Variants in ARHGAP32 observed in about 807,000 individuals in gnomAD.
ARHGAP32 encodes the protein Rho GTPase activating protein 32.
Under a neutral mutation model 186.5 loss-of-function variants are expected in ARHGAP32, and 51 were observed. That is an observed-to-expected ratio of 0.27 (90% CI 0.22 to 0.35). The LOEUF is 0.35. ARHGAP32 is among the 10% of genes least tolerant of loss of function. The pLI, the probability that ARHGAP32 is intolerant of heterozygous loss-of-function variation, is 1.00. For synonymous variants in ARHGAP32, 950 were observed against 964.3 expected (o/e 0.99, Z 0.27); for missense variants, 2,186 against 2,623.5 (o/e 0.83, Z 3.64).
At chr11:128,989,743 G>A (rs1309530586) in intron 12 of ARHGAP32, among the ~76,000 whole-genome samples, 1 of 151,158 alleles carries the variant, frequency 6.6e-6, no homozygotes, top group African/African-American at 2.4e-5. Context: ...CCTGGTGTGT[G>A]ATGTTCCCCT....
In ARHGAP32 at chr11:128,970,227, G is replaced by A. The variant is rs758072054; in HGVS notation, c.4986C>T (p.Tyr1662=). Residue 1662 remains tyrosine (Y), a synonymous_variant, in exon 23 of 23, where the codon TAC becomes TAT. Coordinates refer to ENST00000682385, the MANE Select transcript of ARHGAP32 (RefSeq NM_001378024.1). This position sits in a 1 kb window ranked among gnomAD's most constrained non-coding sequence, Gnocchi z 5.8. ...QPYFENGRVH[Y]RYSPYSSSSS... The stretch of plus-strand genomic sequence containing the variant: ...AAGAACTGGAATATGGGCTATACCT[G>A]TAGTGGACCCGGCCATTCTCAAAGT... 3.7e-6 allele frequency: 6 copies of A among 1,614,242 alleles called. No individual in the cohort carries two copies. In the Admixed American group the frequency reaches 6.7e-5, roughly 18 times the overall value.
chr11:129,235,926 C>CACACAT (rs1342211866), intron 1 of ARHGAP32, among the ~76,000 whole-genome samples: 1 of 151,592 alleles, frequency 6.6e-6, no homozygotes, highest in African/African-American at 2.4e-5. Flanking sequence ...CACACACACA[C>CACACAT]ACACACACAC....
chr11:129,271,286 G>A (rs1945469118), intron 1 of ARHGAP32, among the ~76,000 whole-genome samples: 1 of 152,062 alleles, frequency 6.6e-6, no homozygotes, highest in Non-Finnish European at 1.5e-5. Flanking sequence ...TTTTGCCAGT[G>A]AAAAAAGTGA....
intron 5 of ARHGAP32, among the ~76,000 whole-genome samples, chr11:129,108,642 T>C (rs1942117706): frequency 6.6e-6 from 1 of 152,160 alleles, no homozygotes; most frequent in South Asian, 2.1e-4. Context: ...AGCCCTTTGC[T>C]GATTTGTGAA....
Position 128,974,900 on chromosome 11 carries a change from T to C in ARHGAP32, c.2297A>G (p.Asp766Gly). Residue 766 changes from aspartate (D) to glycine (G), a missense_variant, in exon 21 of 23, where the codon GAT becomes GGT. By Grantham distance (94) the Asp-to-Gly change is moderately conservative (BLOSUM62 -1). Coordinates refer to ENST00000682385, the MANE Select transcript of ARHGAP32 (RefSeq NM_001378024.1). ...ACTCTCATTGTCATGAGGCAGATTA[T>C]CATAGGAGTTACAGCGGTTCCCCAG... ...EMLGNRCNSY[D>G]NLPHDNESEE... is the part of the protein sequence containing the mutation. 5.0e-6 allele frequency: 8 copies of C among 1,614,172 alleles called. No individual in the cohort carries two copies. Among genetic ancestry groups the C allele is most frequent in the African/African-American group, 1.3e-5 (1 of 75,026 alleles).
At position 128,981,401 on chromosome 11, in the gene ARHGAP32, C is replaced by T. The variant is rs575928167; in HGVS notation, c.1780+15G>A. On this transcript the variant is annotated intron_variant, in intron 17 of 22. Coordinates refer to ENST00000682385, the MANE Select transcript of ARHGAP32 (RefSeq NM_001378024.1). ...AGACACACCCTCCTGGTAGGAAGGG[C>T]CATCGGAGCCGTACCTGCCCCCTCT... The T allele has an allele frequency of 3.2e-6, 5 of 1,568,534 alleles. No individual in the cohort carries two copies. The highest frequency in any genetic ancestry group is 4.3e-6 in the Non-Finnish European group (5 of 1,153,456).
At chr11:128,984,424 T>G (rs2136114002) in intron 15 of ARHGAP32, among the ~76,000 whole-genome samples, 1 of 151,992 alleles carries the variant, frequency 6.6e-6, no homozygotes, top group East Asian at 1.9e-4. Flanking sequence ...ATATGTAGAT[T>G]AAATATGCAA....
chr11:129,109,500 A>G (rs1464270198), intron 5 of ARHGAP32, among the ~76,000 whole-genome samples: 2 of 152,098 alleles, frequency 1.3e-5, no homozygotes, highest in Non-Finnish European at 2.9e-5. Flanking sequence ...AAATCTCCAT[A>G]CTGTTTTAAA....
intron 1 of ARHGAP32, among the ~76,000 whole-genome samples, chr11:129,171,907 T>C (rs1943770953): frequency 6.6e-6 from 1 of 151,868 alleles, no homozygotes; most frequent in Non-Finnish European, 1.5e-5. Flanking sequence ...ACAGTATTCC[T>C]AGGTATTTTA....
At chr11:129,158,510 A>G (rs1943462447) in intron 2 of ARHGAP32, among the ~76,000 whole-genome samples, 1 of 152,156 alleles carries the variant, frequency 6.6e-6, no homozygotes, top group African/African-American at 2.4e-5. Context: ...GAAGAAGCTA[A>G]CTATCCTAAA....
chr11:129,133,928 A>T (rs1481668255), intron 2 of ARHGAP32, among the ~76,000 whole-genome samples: 1 of 152,342 alleles, frequency 6.6e-6, no homozygotes, highest in East Asian at 1.9e-4. Context: ...ACAAATTATA[A>T]AACTGTCTGA....
chr11:129,227,804 A>G (rs1944806040), intron 1 of ARHGAP32, among the ~76,000 whole-genome samples: 1 of 152,176 alleles, frequency 6.6e-6, no homozygotes, highest in Non-Finnish European at 1.5e-5. Context: ...AGAGACATGT[A>G]TCCCACTTTC....
chr11:129,173,138 A>T (rs183526291), intron 1 of ARHGAP32, among the ~76,000 whole-genome samples: 11 of 152,202 alleles, frequency 7.2e-5, no homozygotes, highest in Admixed American at 7.2e-4. Flanking sequence ...GACACCACTG[A>T]CCCCACAGAA....
At chr11:129,190,993 T>C (rs1340581820) in intron 1 of ARHGAP32, among the ~76,000 whole-genome samples, 1 of 152,234 alleles carries the variant, frequency 6.6e-6, no homozygotes, top group Non-Finnish European at 1.5e-5. Flanking sequence ...ATACTTCTCA[T>C]TTATTTGAAC....
At chr11:129,022,799 C>T (rs1938652054) in intron 11 of ARHGAP32, among the ~76,000 whole-genome samples, 2 of 152,140 alleles carry the variant, frequency 1.3e-5, no homozygotes. Context: ...GCACTGAGAA[C>T]ATGGCATCAC....
chr11:129,224,343 G>A (rs1408437088), intron 1 of ARHGAP32, among the ~76,000 whole-genome samples: 1 of 152,108 alleles, frequency 6.6e-6, no homozygotes, highest in African/African-American at 2.4e-5. Flanking sequence ...GTGAAGGAAA[G>A]GAACCTACAT....
chr11:129,056,719 A>C lies in ARHGAP32; in HGVS notation c.963+5561T>G, dbSNP rs913065279. ...TTGACAAAAGAAAACTGGAGTCCAG[A>C]TCACATGCCATGAACACATCGAGCT... is the stretch of plus-strand genomic sequence containing the variant. On this transcript the variant is annotated intron_variant, in intron 10 of 22. Coordinates refer to ENST00000682385, the MANE Select transcript of ARHGAP32 (RefSeq NM_001378024.1). Among the ~76,000 whole-genome samples, 3 of 152,168 alleles carry C rather than the reference A, an allele frequency of 2.0e-5. 1 individual carries two copies. The highest frequency in any genetic ancestry group is 2.0e-4 in the Admixed American group (3 of 15,284).
chr11:129,039,848 A>T lies in ARHGAP32; in HGVS notation c.1045+1080T>A, dbSNP rs1482000519. ...AGCTTTTTAAAAAAGTTTACCCAAG[A>T]AGGATAAAATTGCTTCAAAAAGAAC... On this transcript the variant is annotated intron_variant, in intron 11 of 22. Transcript: ENST00000682385. Among the ~76,000 whole-genome samples the T allele has an allele frequency of 5.3e-5, 8 of 152,322 alleles. No homozygotes were observed. The South Asian group carries it at 1.2e-3, about 24-fold the overall frequency.
intron 1 of ARHGAP32, among the ~76,000 whole-genome samples, chr11:129,252,074 A>G (rs1299834860): frequency 6.6e-6 from 1 of 152,160 alleles, no homozygotes; most frequent in African/African-American, 2.4e-5. Flanking sequence ...TTTAAATATC[A>G]ATTATTAAAA....
Sources: allele counts gnomAD v4.1 joint callset (sites outside exome capture counted in the v4.1 genomes callset), GRCh38; gene constraint gnomAD v4.1.1; non-coding constraint Gnocchi (gnomAD v3.1); transcripts MANE v1.5; gene names NCBI Gene and HGNC (gene_info 2026-07-23, HGNC 2026-07-21).